Variants in POLN observed in about 807,000 individuals in gnomAD.
POLN encodes the protein DNA polymerase nu, also known as DNA polymerase N.
In POLN, 108 loss-of-function variants were observed where a neutral mutation model predicts 113.5. The observed-to-expected ratio is 0.95, with a 90% CI of 0.81 to 1.12. The LOEUF is 1.12. Among genes scored for constraint, POLN ranks in the 50% most tolerant of loss-of-function variants. POLN has a pLI of 0.00. For missense variants in POLN, 1,097 were observed against 1,077.1 expected (o/e 1.02, Z -0.26); for synonymous variants, 386 against 391.5 (o/e 0.99, Z 0.17).
At chr4:2,162,501 C>A (rs1732624494) in intron 13 of POLN, among the ~76,000 whole-genome samples, 1 of 152,210 alleles carries the variant, frequency 6.6e-6, no homozygotes, top group African/African-American at 2.4e-5. Context: ...CAAGAACCCA[C>A]CAATTCCGGA....
At position 2,210,007 on chromosome 4, in the gene POLN, T is replaced by TTATATATA. The variant is rs139428211; in HGVS notation, c.214-1528_214-1521dup. On this transcript the variant is annotated intron_variant, in intron 4 of 25. Transcript: ENST00000511885. Reference sequence around the variant, plus strand: ...CTTTATATATATATATAAATTTACTTTATATATATATATATATGGCTTTGA... The same window carrying TTATATATA: ...CTTTATATATATATATAAATTTACTTTATATATATATATATATATATATATGGCTTTGA... Among the ~76,000 whole-genome samples the TTATATATA allele has an allele frequency of 8.9e-4, 130 of 146,162 alleles. 1 individual carries two copies. Among genetic ancestry groups the TTATATATA allele is most frequent in the African/African-American group, 3.1e-3 (125 of 40,124 alleles).
rs879832826 is a variant in POLN, at chr4:2,170,668, TG to T, written c.1554+10del. 35 of 1,607,416 alleles carry T rather than the reference TG, an allele frequency of 2.2e-5. No homozygotes were observed. Among genetic ancestry groups the T allele is most frequent in the Non-Finnish European group, 2.7e-5 (32 of 1,174,318 alleles). On this transcript the variant is annotated intron_variant, in intron 13 of 25. Transcript: ENST00000511885. ...ATTCTAAAAAGAAAAAGGATAACTC[TG>T]AAACCTTACCACTGCTTCTGATGTA...
At chr4:2,223,318 G>C (rs759199310) in intron 3 of POLN, among the ~76,000 whole-genome samples, 2 of 152,182 alleles carry the variant, frequency 1.3e-5, no homozygotes, top group Non-Finnish European at 1.5e-5. Flanking sequence ...AGCAGGAGGA[G>C]AGCAGCAGGT....
chr4:2,158,016 A>G (rs1732480475), intron 14 of POLN, 105 bp from the exon 15 acceptor site: 3 of 763,698 alleles, frequency 3.9e-6, no homozygotes, highest in African/African-American at 3.6e-5. Flanking sequence ...CAGTGGCGTG[A>G]TCTCGGCTTG....
At chr4:2,208,577 G>A in intron 4 of POLN, 90 bp from the exon 5 acceptor site, 1 of 1,089,302 alleles carries the variant, frequency 9.2e-7, no homozygotes, top group Non-Finnish European at 1.3e-6. Flanking sequence ...ACTTGTCTAA[G>A]GTAATATGGA....
Position 2,105,028 on chromosome 4 carries a change from C to A in POLN, c.1983-9095G>T, listed in dbSNP as rs377660855. 7.2e-5 allele frequency among the ~76,000 whole-genome samples: 11 copies of A among 152,332 alleles called. No homozygotes were observed. In the East Asian group the frequency reaches 1.5e-3, roughly 21 times the overall value. ...CTACCCTTTGTTGAGATCTGCCCCC[C>A]ACCATCCCAACTGAGCCCCAGTCTC... On this transcript the variant is annotated intron_variant, in intron 19 of 25. Transcript: ENST00000511885.
intron 13 of POLN, among the ~76,000 whole-genome samples, chr4:2,163,862 C>T (rs1360996826): frequency 2.0e-5 from 3 of 152,232 alleles, no homozygotes; most frequent in African/African-American, 7.2e-5. Context: ...CCCACAGGCC[C>T]AACTGCTGTT....
Position 2,128,177 on chromosome 4 carries a change from C to G in POLN, c.1918G>C (p.Glu640Gln), listed in dbSNP as rs750621372. 1 of 1,612,900 alleles carries G rather than the reference C, an allele frequency of 6.2e-7. No individual in the cohort carries two copies. Among genetic ancestry groups the G allele is most frequent in the Non-Finnish European group, 8.5e-7 (1 of 1,178,978 alleles). ...RILTHLSGDP[E>Q]LLKLFQESER... is the part of the protein sequence containing the mutation. The stretch of plus-strand genomic sequence containing the variant: ...GATTCCTGGAATAACTTCAGAAGTT[C>G]CGGATCTCCAGATAAATGTGTAAGA... Residue 640 changes from glutamate to glutamine, a missense_variant, in exon 19 of 26, where the codon GAA (glutamate) becomes CAA (glutamine). Coordinates refer to ENST00000511885, the MANE Select transcript of POLN (RefSeq NM_181808.4).
At chr4:2,095,672 G>A (rs1297837283) in intron 20 of POLN, among the ~76,000 whole-genome samples, 179 bp downstream of exon 20, 1 of 152,202 alleles carries the variant, frequency 6.6e-6, no homozygotes, top group Non-Finnish European at 1.5e-5. Context: ...ATGTGACTCT[G>A]AGCAGGTCAA....
At chr4:2,083,615 G>T (rs529336636) in intron 21 of POLN, among the ~76,000 whole-genome samples, 1 of 152,290 alleles carries the variant, frequency 6.6e-6, no homozygotes, top group African/African-American at 2.4e-5. Context: ...GTTCATACTC[G>T]AGGTGCCTTC....
chr4:2,235,758 T>C (rs1734738225), intron 2 of POLN, among the ~76,000 whole-genome samples: 1 of 152,168 alleles, frequency 6.6e-6, no homozygotes, highest in East Asian at 1.9e-4. Flanking sequence ...TATATATATA[T>C]GTGTGTATGT....
intron 19 of POLN, among the ~76,000 whole-genome samples, chr4:2,105,166 C>A (rs377432043): frequency 1.3e-5 from 2 of 152,210 alleles, no homozygotes; most frequent in African/African-American, 4.8e-5. Flanking sequence ...AGCACACCAC[C>A]CACCCTGCTG....
At chr4:2,211,804 G>C (rs1283744179) in intron 4 of POLN, among the ~76,000 whole-genome samples, 5 of 152,050 alleles carry the variant, frequency 3.3e-5, no homozygotes, top group African/African-American at 1.2e-4. Context: ...CAGAGTGAAG[G>C]CCTGTCTCAA....
At chr4:2,092,453 G>A (rs1730691665) in intron 20 of POLN, among the ~76,000 whole-genome samples, 1 of 152,194 alleles carries the variant, frequency 6.6e-6, no homozygotes, top group Non-Finnish European at 1.5e-5. Flanking sequence ...GACTGATGGA[G>A]GAGCAGTGAG....
intron 19 of POLN, among the ~76,000 whole-genome samples, chr4:2,121,120 A>C (rs1731428779): frequency 6.6e-6 from 1 of 152,084 alleles, no homozygotes; most frequent in Non-Finnish European, 1.5e-5. Flanking sequence ...CTTAGGGGGA[A>C]GGCATTCTTT....
chr4:2,241,872 C>G (rs1735002205), intron 1 of POLN, 82 bp from the exon 2 acceptor site: 1 of 985,414 alleles, frequency 1.0e-6, no homozygotes, highest in African/African-American at 1.7e-5. Flanking sequence ...CCCGCACAGC[C>G]CCCGCCCCAG....
intron 19 of POLN, among the ~76,000 whole-genome samples, chr4:2,119,379 A>C (rs1731389303): frequency 6.6e-6 from 1 of 151,354 alleles, no homozygotes; most frequent in South Asian, 2.1e-4. Context: ...CCCGAAGTGC[A>C]TAATGGCTGT....
chr4:2,207,113 T>C (rs987010853), intron 5 of POLN, among the ~76,000 whole-genome samples: 20 of 152,218 alleles, frequency 1.3e-4, no homozygotes, highest in Admixed American at 2.6e-4. Context: ...CTGGATGAGA[T>C]TGGAGACTAC....
At chr4:2,146,462 G>A (rs181280850) in intron 16 of POLN, among the ~76,000 whole-genome samples, 36 of 152,318 alleles carry the variant, frequency 2.4e-4, no homozygotes, top group Non-Finnish European at 4.0e-4. Flanking sequence ...CCAAGATTGC[G>A]CCATTGCACT....
Sources: allele counts gnomAD v4.1 joint callset (sites outside exome capture counted in the v4.1 genomes callset), GRCh38; gene constraint gnomAD v4.1.1; transcripts MANE v1.5; gene names NCBI Gene and HGNC (gene_info 2026-07-23, HGNC 2026-07-21).